Variants in DLGAP2 observed in about 807,000 individuals in gnomAD.
The protein encoded by DLGAP2 is DLG associated protein 2.
In DLGAP2, 26 loss-of-function variants were observed where a neutral mutation model predicts 100.3. The ratio of observed to expected loss-of-function variants is 0.26; its 90% CI spans 0.19 to 0.36. The LOEUF (loss-of-function observed/expected upper bound fraction) is 0.36, where lower values mean the gene tolerates loss of function less well. DLGAP2 is among the 10% of genes least tolerant of loss of function. DLGAP2 has a pLI of 1.00. For missense variants in DLGAP2, 1,858 were observed against 1,453.2 expected (o/e 1.28, Z -4.53); for synonymous variants, 886 against 630.1 (o/e 1.41, Z -6.08).
intron 2 of DLGAP2, among the ~76,000 whole-genome samples, chr8:1,204,033 C>G (rs1181571709): frequency 6.6e-6 from 1 of 152,254 alleles, no homozygotes; most frequent in African/African-American, 2.4e-5. Context: ...CTTCAATGTG[C>G]TTACGAACCA....
At chr8:1,066,581 C>T (rs1277021240) in intron 2 of DLGAP2, among the ~76,000 whole-genome samples, 1 of 151,006 alleles carries the variant, frequency 6.6e-6, no homozygotes, top group African/African-American at 2.4e-5. Flanking sequence ...GAGGGCAGCT[C>T]CCCACCATGG....
chr8:1,027,316 A>G (rs7832535), intron 2 of DLGAP2, among the ~76,000 whole-genome samples: 134,466 of 151,948 alleles, frequency 0.88, 59,784 homozygotes, highest in Non-Finnish European at 0.9. Flanking sequence ...TATTCTCCAG[A>G]TGGGGTGCCA....
chr8:1,576,175 T>C (rs1220823656), intron 6 of DLGAP2, among the ~76,000 whole-genome samples: 2 of 152,220 alleles, frequency 1.3e-5, no homozygotes, highest in Middle Eastern at 6.3e-3. Context: ...TGGTGTGCGA[T>C]GGTGTCTCAT....
intron 2 of DLGAP2, among the ~76,000 whole-genome samples, chr8:967,854 A>T (rs1275556880): frequency 2.5e-5 from 2 of 79,430 alleles, no homozygotes; most frequent in African/African-American, 1.1e-4. Context: ...ATATATATAT[A>T]TATATATATA....
intron 5 of DLGAP2, among the ~76,000 whole-genome samples, chr8:1,561,491 G>A (rs1220121405): frequency 6.6e-6 from 1 of 152,124 alleles, no homozygotes; most frequent in East Asian, 1.9e-4. Flanking sequence ...CTTGGAATCT[G>A]GGTGGAGGGA....
At chr8:1,351,664 ACT>A (rs1801729162) in intron 3 of DLGAP2, among the ~76,000 whole-genome samples, 1 of 63,660 alleles carries the variant, frequency 1.6e-5, no homozygotes, top group Non-Finnish European at 3.1e-5. Context: ...GCGGGTCCTG[ACT>A]GTGTGTGGAA....
At chr8:1,195,352 C>T (rs966687367) in intron 2 of DLGAP2, among the ~76,000 whole-genome samples, 1 of 152,182 alleles carries the variant, frequency 6.6e-6, no homozygotes, top group Non-Finnish European at 1.5e-5. Flanking sequence ...GAGGCCTGGC[C>T]AGATGCACGC....
At chr8:1,650,192 A>T (rs980777679) in intron 8 of DLGAP2, among the ~76,000 whole-genome samples, 1 of 152,256 alleles carries the variant, frequency 6.6e-6, no homozygotes, top group Non-Finnish European at 1.5e-5. Flanking sequence ...TCAATTGAAC[A>T]AACTCACAAA....
At chr8:1,685,262 A>G (rs1799084956) in intron 12 of DLGAP2, among the ~76,000 whole-genome samples, 1 of 152,248 alleles carries the variant, frequency 6.6e-6, no homozygotes, top group Non-Finnish European at 1.5e-5. Flanking sequence ...CACGAGGATG[A>G]CATGGCCACA....
chr8:1,495,734 G>A (rs146282868), intron 3 of DLGAP2, among the ~76,000 whole-genome samples: 1 of 152,212 alleles, frequency 6.6e-6, no homozygotes, highest in Non-Finnish European at 1.5e-5. Context: ...TCCAGCTCGA[G>A]TGGTGGCCGT....
At chr8:1,445,478 C>A (rs1032561044) in intron 3 of DLGAP2, among the ~76,000 whole-genome samples, 1 of 151,860 alleles carries the variant, frequency 6.6e-6, no homozygotes, top group East Asian at 1.9e-4. Context: ...TTTTCTTAAT[C>A]CAGTCTATCG....
intron 2 of DLGAP2, among the ~76,000 whole-genome samples, chr8:1,146,758 G>A (rs1412221536): frequency 6.6e-6 from 1 of 152,200 alleles, no homozygotes; most frequent in Non-Finnish European, 1.5e-5. Flanking sequence ...ACCAGCTATT[G>A]AAAGGACAAG....
intron 6 of DLGAP2, among the ~76,000 whole-genome samples, chr8:1,592,258 G>C (rs1035481973): frequency 2.0e-5 from 3 of 152,124 alleles, no homozygotes; most frequent in African/African-American, 7.2e-5. Context: ...CGCCCCCATC[G>C]GCTGTTTCTT....
Position 1,283,212 on chromosome 8 carries a change from T to C in DLGAP2, c.106+24329T>C, listed in dbSNP as rs1799855531. Among the ~76,000 whole-genome samples, 3 of 143,586 alleles carry C rather than the reference T, an allele frequency of 2.1e-5. No homozygotes were observed. In the South Asian group the frequency reaches 7.0e-4, roughly 33 times the overall value. The allele number at this position is 143,586 out of a possible 152,430, so 94.2% of individuals were successfully genotyped here. On this transcript the variant is annotated intron_variant, in intron 3 of 14. Coordinates refer to ENST00000637795, the MANE Select transcript of DLGAP2 (RefSeq NM_001346810.2). ...TGAACCATCCAGACGTGGTGTGACC[T>C]GAACCCAGCGCCCTGAACCATCCGG...
chr8:1,527,921 CAAA>C (rs373923344), intron 4 of DLGAP2, among the ~76,000 whole-genome samples: 1 of 140,466 alleles, frequency 7.1e-6, no homozygotes. Flanking sequence ...TAAGTATCTG[CAAA>C]AAAAAAAAAG....
intron 6 of DLGAP2, among the ~76,000 whole-genome samples, chr8:1,607,049 A>G (rs998242768): frequency 5.3e-5 from 8 of 152,188 alleles, no homozygotes; most frequent in Admixed American, 4.6e-4. Flanking sequence ...AGGAGTGGAG[A>G]TGCTGGGTCC....
At chr8:1,662,898 AGT>A (rs1427240347) in intron 8 of DLGAP2, among the ~76,000 whole-genome samples, 1 of 116,678 alleles carries the variant, frequency 8.6e-6, no homozygotes, top group African/African-American at 3.5e-5. Flanking sequence ...TACATGTGTG[AGT>A]GTGGGGGATG....
In DLGAP2 at chr8:1,285,592, T is replaced by G. The variant is rs149187203; in HGVS notation, c.106+26709T>G. Among the ~76,000 whole-genome samples the G allele has an allele frequency of 5.2e-3, 792 of 152,346 alleles. 4 individuals are homozygous for G. The highest frequency in any genetic ancestry group is 8.3e-3 in the Non-Finnish European group (566 of 68,032). ...CACCTGTCTGTGGAAATAATTCTGC[T>G]GATTCATACAATAATCACTGCTTTT... On this transcript the variant is annotated intron_variant, in intron 3 of 14. Coordinates refer to ENST00000637795, the MANE Select transcript of DLGAP2 (RefSeq NM_001346810.2).
intron 2 of DLGAP2, among the ~76,000 whole-genome samples, chr8:1,149,423 A>G (rs1033618062): frequency 6.6e-6 from 1 of 152,176 alleles, no homozygotes; most frequent in African/African-American, 2.4e-5. Flanking sequence ...CTGGGATTAC[A>G]GGCACCAGCC....
Sources: allele counts gnomAD v4.1 joint callset (sites outside exome capture counted in the v4.1 genomes callset), GRCh38; gene constraint gnomAD v4.1.1; transcripts MANE v1.5; gene names NCBI Gene and HGNC (gene_info 2026-07-23, HGNC 2026-07-21).